CBL: variants seen among roughly 807,000 people sequenced by gnomAD.
The protein encoded by CBL is Cbl proto-oncogene, also known as E3 ubiquitin-protein ligase CBL.
In CBL, 45 loss-of-function variants were observed where a neutral mutation model predicts 96.9. The ratio of observed to expected loss-of-function variants is 0.46; its 90% CI spans 0.37 to 0.60. CBL has a LOEUF of 0.60. CBL is among the 20% of genes least tolerant of loss of function. CBL has a pLI of 0.00. For missense variants in CBL, 1,024 were observed against 1,143.5 expected (o/e 0.90, Z 1.51); for synonymous variants, 420 against 426.8 (o/e 0.98, Z 0.20).
intron 3 of CBL, 57 bp downstream of exon 3, chr11:119,271,938 C>T (rs1949852514): frequency 6.5e-7 from 1 of 1,549,476 alleles, no homozygotes; most frequent in Non-Finnish European, 8.9e-7. Flanking sequence ...CGAGTTTTTT[C>T]TTTACTTTTT....
At chr11:119,210,628 T>TTA (rs1949308929) in intron 1 of CBL, among the ~76,000 whole-genome samples, 1 of 147,836 alleles carries the variant, frequency 6.8e-6, no homozygotes, top group African/African-American at 2.5e-5. Context: ...TTTTTTTTTT[T>TTA]ACTAGAGACG....
intron 1 of CBL, among the ~76,000 whole-genome samples, chr11:119,232,054 G>C (rs1461816603): frequency 2.0e-5 from 3 of 152,194 alleles, no homozygotes; most frequent in East Asian, 3.9e-4. Flanking sequence ...CTGAGTCGTG[G>C]TTGCTCCACT....
At chr11:119,273,476 G>A (rs181145716) in intron 3 of CBL, among the ~76,000 whole-genome samples, 21 of 152,302 alleles carry the variant, frequency 1.4e-4, no homozygotes, top group Middle Eastern at 3.4e-3. Flanking sequence ...CCAGGCTGTA[G>A]TGCAGTGGCA....
At chr11:119,278,143 CTT>C (rs1269155113) in intron 7 of CBL, 21 bp from the exon 8 acceptor site, 5 of 1,544,318 alleles carry the variant, frequency 3.2e-6, no homozygotes, top group Non-Finnish European at 4.5e-6. Flanking sequence ...AACTAATAGT[CTT>C]TTAATTTTTT....
At chr11:119,262,652 A>G (rs538334252) in intron 2 of CBL, among the ~76,000 whole-genome samples, 1 of 152,284 alleles carries the variant, frequency 6.6e-6, no homozygotes, top group African/African-American at 2.4e-5. Flanking sequence ...GTTGCAGGGG[A>G]TAAAGTGTGT....
chr11:119,268,886 C>A (rs1347662832), intron 2 of CBL, among the ~76,000 whole-genome samples: 1 of 152,196 alleles, frequency 6.6e-6, no homozygotes, highest in Non-Finnish European at 1.5e-5. Flanking sequence ...TTTCTATCAT[C>A]TCATTCATTA....
chr11:119,284,824 G>A, intron 9 of CBL, 145 bp from the exon 10 acceptor site: 1 of 923,246 alleles, frequency 1.1e-6, no homozygotes, highest in East Asian at 2.4e-5. Flanking sequence ...AGTTTTTTAA[G>A]AGGGTGTGTG....
At chr11:119,270,436 ATTTTTT>A (rs869150071) in intron 2 of CBL, among the ~76,000 whole-genome samples, 116 of 38,640 alleles carry the variant, frequency 3.0e-3, no homozygotes, top group African/African-American at 0.011. Flanking sequence ...ATATATATAT[ATTTTTT>A]TTTTTTTTTT....
At chr11:119,210,923 C>T (rs999877553) in intron 1 of CBL, among the ~76,000 whole-genome samples, 12 of 152,076 alleles carry the variant, frequency 7.9e-5, no homozygotes, top group African/African-American at 2.7e-4. Context: ...AGTACTGAAC[C>T]GTGTACATAT....
In CBL at chr11:119,243,053, A is replaced by G. The variant is rs544735287; in HGVS notation, c.443+10358A>G. Among the ~76,000 whole-genome samples, 266 of 152,116 alleles carry G rather than the reference A, an allele frequency of 1.7e-3. 1 individual carries two copies. Among genetic ancestry groups the G allele is most frequent in the Non-Finnish European group, 2.4e-3 (164 of 68,002 alleles). On this transcript the variant is annotated intron_variant, in intron 2 of 15. Coordinates refer to ENST00000264033, the MANE Select transcript of CBL (RefSeq NM_005188.4). ...AGCACTTTGGGAGGCTGAGGCAGGCAGATTACCTGAGGTCAGGAGTTTGAG... is the reference window on the plus strand; with the variant it reads ...AGCACTTTGGGAGGCTGAGGCAGGCGGATTACCTGAGGTCAGGAGTTTGAG...
chr11:119,281,143 T>C (rs1275103454), intron 9 of CBL, among the ~76,000 whole-genome samples: 2 of 152,214 alleles, frequency 1.3e-5, no homozygotes, highest in African/African-American at 4.8e-5. Flanking sequence ...CGCTCCAGTC[T>C]GCTCCAGTTA....
chr11:119,275,919 T>G, intron 5 of CBL, 78 bp from the exon 6 acceptor site: 3 of 1,318,186 alleles, frequency 2.3e-6, no homozygotes, highest in Non-Finnish European at 3.3e-6. Context: ...TTCTTTTGAT[T>G]TTTGTCTGTA....
chr11:119,288,637 A>G (rs991719186), intron 12 of CBL, among the ~76,000 whole-genome samples: 1 of 152,186 alleles, frequency 6.6e-6, no homozygotes, highest in Non-Finnish European at 1.5e-5. Flanking sequence ...ATATGCATGC[A>G]GGGGATTAGT....
At chr11:119,271,653 A>T (rs552662315) in intron 2 of CBL, 82 bp from the exon 3 acceptor site, 20 of 1,124,482 alleles carry the variant, frequency 1.8e-5, no homozygotes, top group Non-Finnish European at 2.4e-5. Flanking sequence ...CATGTTAATT[A>T]TACATCTTGT....
chr11:119,305,368 C>A lies in CBL; in HGVS notation c.*5587C>A. ...CAGCCTCAGGTCTTTTGCCTTCTTC[C>A]GTGTTTATTTAGAGAGCAGAATCTA... On this transcript the variant is annotated 3_prime_UTR_variant, in exon 16 of 16. Transcript: ENST00000264033. 4.3e-6 allele frequency: 1 copy of A among 231,320 alleles called. No individual in the cohort carries two copies. Among genetic ancestry groups the A allele is most frequent in the Non-Finnish European group, 8.6e-6 (1 of 116,864 alleles). The allele number at this position is 231,320 out of a possible 1,614,324, so 14.3% of individuals were successfully genotyped here.
intron 14 of CBL, among the ~76,000 whole-genome samples, chr11:119,297,939 A>G (rs1163258020): frequency 6.6e-6 from 1 of 152,056 alleles, no homozygotes; most frequent in Non-Finnish European, 1.5e-5. Flanking sequence ...CATTGCATTG[A>G]TGAAATTCTT....
chr11:119,217,806 C>T (rs532810623), intron 1 of CBL, among the ~76,000 whole-genome samples: 2 of 152,144 alleles, frequency 1.3e-5, no homozygotes, highest in East Asian at 1.9e-4. Flanking sequence ...TGTGGTGGCT[C>T]ACACCTGTAA....
At chr11:119,272,642 A>G (rs919197798) in intron 3 of CBL, among the ~76,000 whole-genome samples, 2 of 152,208 alleles carry the variant, frequency 1.3e-5, no homozygotes, top group Non-Finnish European at 2.9e-5. Context: ...CAGTTTGGCT[A>G]ACGCTGGCGA....
chr11:119,295,013 C>T (rs1051728174), intron 12 of CBL, among the ~76,000 whole-genome samples: 1 of 152,096 alleles, frequency 6.6e-6, no homozygotes, highest in Non-Finnish European at 1.5e-5. Flanking sequence ...AATTATTTCA[C>T]GATTATACAT....
Sources: gnomAD v4.1 joint callset for allele counts (sites outside exome capture counted in the v4.1 genomes callset) on GRCh38, gnomAD v4.1.1 for gene constraint, MANE v1.5 for transcripts, NCBI Gene and HGNC (gene_info 2026-07-23, HGNC 2026-07-21) for gene names.